SHISA6: variants seen among roughly 807,000 people sequenced by gnomAD.
The protein encoded by SHISA6 is protein shisa-6.
In SHISA6, 22 loss-of-function variants were observed where a neutral mutation model predicts 47.9. The ratio of observed to expected loss-of-function variants is 0.46; its 90% CI spans 0.33 to 0.66. SHISA6 has a LOEUF of 0.66. Ranked by LOEUF, SHISA6 falls within the 30% of genes least tolerant of loss-of-function variation. SHISA6 has a pLI of 0.02. For synonymous variants in SHISA6, 388 were observed against 337.8 expected, an observed-to-expected ratio of 1.15 and a Z score of -1.63; for missense variants, 680 against 764.6, an observed-to-expected ratio of 0.89 and a Z score of 1.30.
At chr17:11,300,889 T>C (rs1182218191) in intron 2 of SHISA6, among the ~76,000 whole-genome samples, 3 of 141,742 alleles carry the variant, frequency 2.1e-5, no homozygotes, top group African/African-American at 7.7e-5. Flanking sequence ...CCCATCTGCT[T>C]GTGCTTCAAG....
chr17:11,269,048 T>G (rs920449133), intron 2 of SHISA6, among the ~76,000 whole-genome samples: 3 of 149,128 alleles, frequency 2.0e-5, no homozygotes, highest in South Asian at 2.1e-4. Context: ...TTGTCTGTTT[T>G]GTTTTTTTTT....
Position 11,481,384 on chromosome 17 carries a change from A to T in SHISA6, c.896-70512A>T, listed in dbSNP as rs190382841. ...TGTGTGTGTATATATATATATATAT[A>T]TATTTAGAAACATAAGTAAATATTA... On this transcript the variant is annotated intron_variant, in intron 3 of 5. Transcript: ENST00000441885. Among the ~76,000 whole-genome samples, 285 of 148,264 alleles carry T rather than the reference A, an allele frequency of 1.9e-3. 2 individuals are homozygous for T. The highest frequency in any genetic ancestry group is 0.015 in the South Asian group (70 of 4,726).
At position 11,379,408 on chromosome 17, in the gene SHISA6, T is replaced by C; in HGVS notation, c.800-6T>C. ...CGCCAGGTAATTCTGCCCCATCTTC[T>C]TGCAGGGCATTATGGGAAGGATGCT... On this transcript the variant is annotated splice_polypyrimidine_tract_variant and splice_region_variant and intron_variant, in intron 2 of 5. Transcript: ENST00000441885. 6.5e-7 allele frequency: 1 copy of C among 1,534,836 alleles called. No individual in the cohort carries two copies. Among genetic ancestry groups the C allele is most frequent in the African/African-American group, 1.4e-5 (1 of 72,122 alleles).
chr17:11,267,601 A>G (rs1287351386), intron 2 of SHISA6, among the ~76,000 whole-genome samples: 1 of 152,210 alleles, frequency 6.6e-6, no homozygotes, highest in Non-Finnish European at 1.5e-5. Flanking sequence ...TGTCCAGAAA[A>G]CTTTGAGAAC....
At chr17:11,305,697 A>G (rs1029632958) in intron 2 of SHISA6, among the ~76,000 whole-genome samples, 11 of 152,212 alleles carry the variant, frequency 7.2e-5, no homozygotes, top group Admixed American at 6.5e-5. Flanking sequence ...TTGTGGTCCA[A>G]GCTGGACCAC....
intron 3 of SHISA6, among the ~76,000 whole-genome samples, chr17:11,524,754 C>T (rs915288493): frequency 5.9e-5 from 9 of 152,172 alleles, no homozygotes; most frequent in Admixed American, 5.9e-4. Flanking sequence ...CCGCCTTGGC[C>T]TCCCAAAGTG....
At chr17:11,350,328 T>C (rs392393) in intron 2 of SHISA6, among the ~76,000 whole-genome samples, 67,277 of 68,202 alleles carry the variant, frequency 0.99, 33,223 homozygotes, top group South Asian at 1. Flanking sequence ...TACAGGCGCC[T>C]GCCACCACGC....
intron 3 of SHISA6, among the ~76,000 whole-genome samples, chr17:11,448,503 G>C (rs1434585470): frequency 6.6e-6 from 1 of 152,030 alleles, no homozygotes; most frequent in Non-Finnish European, 1.5e-5. Flanking sequence ...CTGCACTCTA[G>C]CCTGAGTGAC....
intron 2 of SHISA6, among the ~76,000 whole-genome samples, chr17:11,277,280 T>TCTCTCTCTCTCACACACACACACACACA (rs1386997909): frequency 3.7e-5 from 2 of 53,864 alleles, no homozygotes. Context: ...TCTCTCTCTC[T>TCTCTCTCTCTCACACACACACACACACA]CACACACACA....
Position 11,430,300 on chromosome 17 carries a change from G to T in SHISA6, c.895+50791G>T, listed in dbSNP as rs543439402. On this transcript the variant is annotated intron_variant, in intron 3 of 5. Transcript: ENST00000441885. ...ATTGGACGAGGCCACGAGACTGGTT[G>T]TGGCCCATGTGTTGTGAGTAGAATT... 7.4e-4 allele frequency among the ~76,000 whole-genome samples: 113 copies of T among 152,276 alleles called. 1 individual carries two copies. The highest frequency in any genetic ancestry group is 1.5e-3 in the Non-Finnish European group (100 of 68,026).
rs1911515692 is a variant in SHISA6, at chr17:11,341,214, G to A, written c.800-38200G>A. Among the ~76,000 whole-genome samples, 7 of 151,868 alleles carry A rather than the reference G, an allele frequency of 4.6e-5. No homozygotes were observed. In the South Asian group the frequency reaches 1.2e-3, roughly 27 times the overall value. The stretch of plus-strand genomic sequence containing the variant: ...AGTTCCACCATTCTACAGTGTTAAT[G>A]CAACAGCAACAATAAAAATGACAAG... On this transcript the variant is annotated intron_variant, in intron 2 of 5. Coordinates refer to ENST00000441885, the MANE Select transcript of SHISA6 (RefSeq NM_207386.4).
chr17:11,543,533 T>A (rs1179592228), intron 3 of SHISA6, among the ~76,000 whole-genome samples: 1 of 152,176 alleles, frequency 6.6e-6, no homozygotes, highest in African/African-American at 2.4e-5. Flanking sequence ...TCAGTTCTCT[T>A]TAAAATAATG....
chr17:11,459,667 C>A (rs542883880), intron 3 of SHISA6, among the ~76,000 whole-genome samples: 1 of 152,298 alleles, frequency 6.6e-6, no homozygotes, highest in South Asian at 2.1e-4. Flanking sequence ...GCGTGACAGT[C>A]CCCAGTTGAG....
intron 1 of SHISA6, among the ~76,000 whole-genome samples, chr17:11,261,961 A>G (rs928954353): frequency 6.6e-6 from 1 of 151,902 alleles, no homozygotes; most frequent in South Asian, 2.1e-4. Flanking sequence ...CAATTTCTCT[A>G]CCTCCTTGCC....
chr17:11,370,383 G>A (rs114121533), intron 2 of SHISA6, among the ~76,000 whole-genome samples: 192 of 152,230 alleles, frequency 1.3e-3, no homozygotes, highest in African/African-American at 3.4e-3. Flanking sequence ...TTTGCTCTTG[G>A]TCTCAGCTGG....
chr17:11,310,388 G>C (rs575992935), intron 2 of SHISA6, among the ~76,000 whole-genome samples: 1 of 152,244 alleles, frequency 6.6e-6, no homozygotes, highest in African/African-American at 2.4e-5. Context: ...AATAATGCAG[G>C]TTAGGGGATA....
chr17:11,381,866 C>T (rs1354770571), intron 3 of SHISA6, among the ~76,000 whole-genome samples: 1 of 152,186 alleles, frequency 6.6e-6, no homozygotes, highest in Non-Finnish European at 1.5e-5. Context: ...ATTGCTTGTT[C>T]TCCCCATTCA....
At chr17:11,327,961 C>G (rs1177599135) in intron 2 of SHISA6, among the ~76,000 whole-genome samples, 1 of 151,962 alleles carries the variant, frequency 6.6e-6, no homozygotes, top group African/African-American at 2.4e-5. Context: ...CTCTCTCTCT[C>G]ATAGATACAC....
intron 1 of SHISA6, among the ~76,000 whole-genome samples, chr17:11,259,242 C>G (rs1908135602): frequency 6.6e-6 from 1 of 152,088 alleles, no homozygotes; most frequent in Non-Finnish European, 1.5e-5. Context: ...GTTTAACCTA[C>G]CTATGTTTGG....
Sources: allele counts gnomAD v4.1 joint callset (sites outside exome capture counted in the v4.1 genomes callset), GRCh38; gene constraint gnomAD v4.1.1; transcripts MANE v1.5; gene names NCBI Gene and HGNC (gene_info 2026-07-23, HGNC 2026-07-21).